The following TASP1 variants were observed in gnomAD, a reference collection of about 807,000 sequenced individuals.
TASP1 encodes the protein taspase 1.
Under a neutral mutation model 56.6 loss-of-function variants are expected in TASP1, and 16 were observed. The ratio of observed to expected loss-of-function variants is 0.28; its 90% confidence interval spans 0.19 to 0.43. TASP1 has a LOEUF of 0.43. Among genes scored for constraint, TASP1 ranks in the 20% least tolerant of loss-of-function variants. The pLI is 1.00. For synonymous variants in TASP1, 179 were observed against 184.2 expected (o/e 0.97, Z 0.23); for missense variants, 393 against 511.6 (o/e 0.77, Z 2.24).
chr20:13,153,630 G>C, the TASP1 span, among the ~76,000 whole-genome samples: 1 of 152,132 alleles, frequency 6.6e-6, no homozygotes, highest in African/African-American at 2.4e-5. Flanking sequence ...TGTGGGGGGT[G>C]GGGGAAGTGG....
At chr20:13,490,297 G>A (rs1328101428) in intron 10 of TASP1, among the ~76,000 whole-genome samples, 11 of 151,992 alleles carry the variant, frequency 7.2e-5, no homozygotes, top group Admixed American at 5.9e-4. Flanking sequence ...ATGGAGTCCT[G>A]CATATTTTAA....
the TASP1 span, among the ~76,000 whole-genome samples, chr20:13,178,908 G>C: frequency 6.6e-6 from 1 of 152,192 alleles, no homozygotes; most frequent in South Asian, 2.1e-4. Flanking sequence ...ATTTCAAACA[G>C]CTAGAAGGAG....
intron 8 of TASP1, among the ~76,000 whole-genome samples, chr20:13,555,231 A>G (rs1476414620): frequency 6.6e-6 from 1 of 151,822 alleles, no homozygotes; most frequent in Non-Finnish European, 1.5e-5. Context: ...TAAAAATACA[A>G]AAATTAGCCA....
chr20:13,594,025 T>C (rs1030481309), intron 4 of TASP1, among the ~76,000 whole-genome samples: 9 of 152,186 alleles, frequency 5.9e-5, no homozygotes, highest in Non-Finnish European at 1.0e-4. Flanking sequence ...GGTAGCAATA[T>C]TTGCCATTCT....
At chr20:13,193,209 G>T in the TASP1 span, among the ~76,000 whole-genome samples, 1 of 152,120 alleles carries the variant, frequency 6.6e-6, no homozygotes, top group Admixed American at 6.5e-5. Flanking sequence ...GAAATACACT[G>T]AGAAGAAAAC....
At chr20:13,556,038 A>G (rs190460408) in intron 8 of TASP1, among the ~76,000 whole-genome samples, 1 of 152,312 alleles carries the variant, frequency 6.6e-6, no homozygotes, top group East Asian at 1.9e-4. Context: ...GCATTGGTCA[A>G]TCTGAGCCCA....
At chr20:13,211,206 CTATAATGACGTATAGGTT>C in the TASP1 span, among the ~76,000 whole-genome samples, 1 of 152,082 alleles carries the variant, frequency 6.6e-6, no homozygotes, top group Non-Finnish European at 1.5e-5. Flanking sequence ...ATGAACCCTG[CTATAATGACGTATAGGTT>C]TATCACATTT....
At chr20:13,595,397 G>A (rs1421299085) in intron 4 of TASP1, among the ~76,000 whole-genome samples, 2 of 152,212 alleles carry the variant, frequency 1.3e-5, no homozygotes, top group Admixed American at 1.3e-4. Context: ...AATGTAAATG[G>A]GCTAAATGCC....
the TASP1 span, chr20:13,154,276 A>C: frequency 9.1e-7 from 1 of 1,096,760 alleles, no homozygotes. Context: ...CTCGGAAGCC[A>C]CCTGTCACTC....
chr20:13,503,687 C>T (rs1358838498), intron 10 of TASP1, among the ~76,000 whole-genome samples: 1 of 151,366 alleles, frequency 6.6e-6, no homozygotes, highest in East Asian at 1.9e-4. Flanking sequence ...GCTCAGCAAG[C>T]TACAAAAAAT....
the TASP1 span, among the ~76,000 whole-genome samples, chr20:13,341,814 C>A: frequency 6.6e-6 from 1 of 152,224 alleles, no homozygotes; most frequent in Non-Finnish European, 1.5e-5. Context: ...AACGGAGGAA[C>A]AGCTGTTGGC....
chr20:13,188,933 A>G, the TASP1 span, among the ~76,000 whole-genome samples: 1 of 152,124 alleles, frequency 6.6e-6, no homozygotes, highest in Non-Finnish European at 1.5e-5. Flanking sequence ...TTCTTCAACC[A>G]CTCATAGACT....
At chr20:13,359,449 G>C in the TASP1 span, among the ~76,000 whole-genome samples, 9 of 151,412 alleles carry the variant, frequency 5.9e-5, no homozygotes, top group African/African-American at 2.2e-4. Flanking sequence ...ACTGCCCGAT[G>C]GCCTCAGAAG....
chr20:13,176,940 C>A, the TASP1 span, among the ~76,000 whole-genome samples: 1 of 152,058 alleles, frequency 6.6e-6, no homozygotes, highest in Non-Finnish European at 1.5e-5. Flanking sequence ...AACTACAAAA[C>A]AATGATGAGA....
At chr20:13,607,438 G>T (rs191822071) in intron 4 of TASP1, among the ~76,000 whole-genome samples, 1 of 152,080 alleles carries the variant, frequency 6.6e-6, no homozygotes, top group East Asian at 1.9e-4. Flanking sequence ...AAGGCTCCAG[G>T]GTATACTGCA....
chr20:13,310,106 G>A, the TASP1 span, among the ~76,000 whole-genome samples: 1 of 152,046 alleles, frequency 6.6e-6, no homozygotes, highest in Admixed American at 6.6e-5. Context: ...AATTCATATG[G>A]AAGCACAAAA....
chr20:13,533,160 A>G (rs890531195), intron 9 of TASP1, among the ~76,000 whole-genome samples: 3 of 152,216 alleles, frequency 2.0e-5, no homozygotes, highest in Non-Finnish European at 4.4e-5. Flanking sequence ...TAACTGTGAC[A>G]CTGACTCTTC....
At chr20:13,158,557 C>A in the TASP1 span, among the ~76,000 whole-genome samples, 1 of 152,188 alleles carries the variant, frequency 6.6e-6, no homozygotes. Context: ...ACTTGTTTCT[C>A]AGACAATTAT....
chr20:13,267,086 G>A, the TASP1 span, among the ~76,000 whole-genome samples: 2 of 152,168 alleles, frequency 1.3e-5, no homozygotes, highest in Non-Finnish European at 1.5e-5. Flanking sequence ...GAATAAAACA[G>A]GGTTTCATTC....
Sources: allele counts gnomAD v4.1 joint callset (sites outside exome capture counted in the v4.1 genomes callset), GRCh38; gene constraint gnomAD v4.1.1; transcripts MANE v1.5; gene names NCBI Gene and HGNC (gene_info 2026-07-23, HGNC 2026-07-21).